The following SAMD9 variants were observed in gnomAD, a reference collection of about 807,000 sequenced individuals.
The protein encoded by SAMD9 is sterile alpha motif domain-containing protein 9.
Under a neutral mutation model 1.5 loss-of-function variants are expected in SAMD9, and 3 were observed. That is an observed-to-expected ratio of 2.05 (90% CI 0.93 to 5.29). SAMD9 has a LOEUF of 5.29. SAMD9 is among the 30% of genes most tolerant of loss of function. SAMD9 has a pLI of 0.02. For missense variants in SAMD9, 1,597 were observed against 1,820.8 expected (o/e 0.88, Z 2.24); for synonymous variants, 635 against 631.9 (o/e 1.00, Z -0.07).
At position 93,104,992 on chromosome 7, in the gene SAMD9, A is replaced by G. The variant is rs1290890913; in HGVS notation, c.1106T>C (p.Leu369Pro). Residue 369 changes from leucine (L) to proline (P), a missense_variant, in exon 3 of 3, where the codon CTG becomes CCG. Around this residue, in one of 6 missense-constraint regions of SAMD9, gnomAD observed 498 missense variants for 457.4 expected, o/e 1.09. Transcript: ENST00000379958. ...FRAFKADFKT[L>P]AESRKAAEEK... ...TTCTGCTGCTTTTCTGGACTCTGCC[A>G]GTGTTTTAAAATCTGCTTTAAATGC... 1 of 1,613,442 alleles carries G rather than the reference A, an allele frequency of 6.2e-7. No homozygotes were observed.
At position 93,106,028 on chromosome 7, in the gene SAMD9, C is replaced by G; in HGVS notation, c.70G>C (p.Glu24Gln). ...WTKEDVNQWL[E>Q]SHKIDQKHRE... Reference sequence around the variant, plus strand: ...TGTTTTTGGTCAATCTTATGACTTTCTAACCACTGATTTACATCCTCTTTT... The same window carrying G: ...TGTTTTTGGTCAATCTTATGACTTTGTAACCACTGATTTACATCCTCTTTT... The change falls in exon 3 of 3, where the codon GAA (glutamate) becomes CAA (glutamine). Residue 24 changes from glutamate to glutamine, a missense_variant. Transcript: ENST00000379958. The G allele has an allele frequency of 6.3e-7, 1 of 1,590,430 alleles. No individual in the cohort carries two copies. Among genetic ancestry groups the G allele is most frequent in the South Asian group, 1.2e-5 (1 of 85,872 alleles).
chr7:93,101,789 G>C lies in SAMD9; in HGVS notation c.4309C>G (p.Leu1437Val). The C allele has an allele frequency of 6.2e-7, 1 of 1,613,784 alleles. No individual in the cohort carries two copies. The highest frequency in any genetic ancestry group is 8.5e-7 in the Non-Finnish European group (1 of 1,179,744). The change falls in exon 3 of 3, where the codon CTC (leucine) becomes GTC (valine). Residue 1437 changes from leucine to valine, a missense_variant. Physicochemically the swap from Leu to Val is conservative, Grantham distance 32. Coordinates refer to ENST00000379958, the MANE Select transcript of SAMD9 (RefSeq NM_017654.4). ...QFSEPYFLAS[L>V]LFWPENQQLD... is the part of the protein sequence containing the mutation. Reference sequence around the variant, plus strand: ...TGTTGATTTTCTGGCCAGAATAAGAGGGAAGCTAGAAAATACGGTTCTGAA... The same window carrying C: ...TGTTGATTTTCTGGCCAGAATAAGACGGAAGCTAGAAAATACGGTTCTGAA...
In SAMD9 at chr7:93,103,343, A is replaced by G; in HGVS notation, c.2755T>C (p.Ser919Pro). ...NIFTKEAKLF[S>P]FLALLNSYVP... ...TATGAATTAAGAAGAGCCAGAAAAG[A>G]AAAGAGCTTTGCTTCCTTGGTGAAA... Residue 919 changes from serine to proline, a missense_variant, in exon 3 of 3, where the codon TCT becomes CCT. Physicochemically the swap from Ser to Pro is moderately conservative, Grantham distance 74 (BLOSUM62 -1). Coordinates refer to ENST00000379958, the MANE Select transcript of SAMD9 (RefSeq NM_017654.4). 2 of 1,613,632 alleles carry G rather than the reference A, an allele frequency of 1.2e-6. No homozygotes were observed. The highest frequency in any genetic ancestry group is 1.7e-6 in the Non-Finnish European group (2 of 1,179,652).
Position 93,101,329 on chromosome 7 carries a change from T to C in SAMD9, c.4769A>G (p.Ter1590=). Residue 1590 remains the stop codon, a stop_retained_variant, in exon 3 of 3, where the codon TAA becomes TGA. Transcript: ENST00000379958. The stretch of plus-strand genomic sequence containing the variant: ...TCTTGGAGGAAGAATATCAGGCTCT[T>C]AAACAATTTCAATGTCATAAGCAAG... ...GPLAYDIEIV[*] is the part of the protein sequence containing the mutation. The C allele has an allele frequency of 6.2e-7, 1 of 1,610,090 alleles. No homozygotes were observed. The highest frequency in any genetic ancestry group is 8.5e-7 in the Non-Finnish European group (1 of 1,178,814).
intron 1 of SAMD9, among the ~76,000 whole-genome samples, chr7:93,116,291 T>C (rs979512931): frequency 1.3e-5 from 2 of 152,214 alleles, no homozygotes; most frequent in Admixed American, 6.5e-5. Flanking sequence ...CATACCATTA[T>C]ATGTGAAAAC....
At chr7:93,113,114 C>T (rs1254647422) in intron 2 of SAMD9, among the ~76,000 whole-genome samples, 1 of 152,102 alleles carries the variant, frequency 6.6e-6, no homozygotes, top group Non-Finnish European at 1.5e-5. Flanking sequence ...AGATATAGAC[C>T]AATGGAACAG....
At chr7:93,108,157 G>A (rs950171855) in intron 2 of SAMD9, among the ~76,000 whole-genome samples, 9 of 152,256 alleles carry the variant, frequency 5.9e-5, no homozygotes, top group South Asian at 4.2e-4. Flanking sequence ...GCCGTGCCTC[G>A]CCATGCGCCT....
At chr7:93,107,099 G>C (rs1791659261) in intron 2 of SAMD9, among the ~76,000 whole-genome samples, 1 of 151,406 alleles carries the variant, frequency 6.6e-6, no homozygotes, top group African/African-American at 2.4e-5. Flanking sequence ...GGAGTGCAAT[G>C]GCGCGATCTC....
chr7:93,115,429 G>A (rs1160363794), intron 1 of SAMD9, among the ~76,000 whole-genome samples: 1 of 152,190 alleles, frequency 6.6e-6, no homozygotes, highest in African/African-American at 2.4e-5. Context: ...CATACTGTGT[G>A]AAAGAAGCCA....
rs79244266 is a variant in SAMD9 at position 93,117,456 on chromosome 7, G to A, written c.-110+407C>T. On this transcript the variant is annotated intron_variant, in intron 1 of 2. Coordinates refer to ENST00000379958, the MANE Select transcript of SAMD9 (RefSeq NM_017654.4). ...CCACATCCAGCTATTTTTTTTTTTGGTAGGAATCTTGCTAGGTAGGGTCTT... is the reference window on the plus strand; with the variant it reads ...CCACATCCAGCTATTTTTTTTTTTGATAGGAATCTTGCTAGGTAGGGTCTT... 3.9e-3 allele frequency among the ~76,000 whole-genome samples: 584 copies of A among 151,194 alleles called. 2 individuals are homozygous for A. Among genetic ancestry groups the A allele is most frequent in the African/African-American group, 0.014 (558 of 41,210 alleles).
At chr7:93,110,350 A>G (rs555288474) in intron 2 of SAMD9, among the ~76,000 whole-genome samples, 117 of 152,366 alleles carry the variant, frequency 7.7e-4, no homozygotes, top group African/African-American at 2.8e-3. Context: ...CCACTGCAAA[A>G]ACATGCCAAA....
At chr7:93,109,487 G>A (rs1791702722) in intron 2 of SAMD9, among the ~76,000 whole-genome samples, 1 of 152,172 alleles carries the variant, frequency 6.6e-6, no homozygotes, top group South Asian at 2.1e-4. Flanking sequence ...GTCTTCAAAC[G>A]ACTGGTAATA....
In SAMD9 at chr7:93,103,176, T is replaced by C. The variant is rs1182802055; in HGVS notation, c.2922A>G (p.Glu974=). The C allele has an allele frequency of 2.5e-6, 4 of 1,613,756 alleles. No individual in the cohort carries two copies. The highest frequency in any genetic ancestry group is 3.3e-5 in the Admixed American group (2 of 59,986). Residue 974 remains glutamate (E), a synonymous_variant, in exon 3 of 3, where the codon GAA becomes GAG. Coordinates refer to ENST00000379958, the MANE Select transcript of SAMD9 (RefSeq NM_017654.4). ...STILIKTEVI[E]CGNYCGVRII... is the part of the protein sequence containing the mutation. ...TGCGTACTCCACAGTAGTTCCCACA[T>C]TCGATGACCTCTGTTTTTATCAGAA... is the stretch of plus-strand genomic sequence containing the variant.
chr7:93,101,387 A>G lies in SAMD9; in HGVS notation c.4711T>C (p.Ser1571Pro). 1 of 1,613,716 alleles carries G rather than the reference A, an allele frequency of 6.2e-7. No individual in the cohort carries two copies. Among genetic ancestry groups the G allele is most frequent in the Non-Finnish European group, 8.5e-7 (1 of 1,179,730 alleles). Residue 1571 changes from serine to proline, a missense_variant, in exon 3 of 3, where the codon TCT becomes CCT. Transcript: ENST00000379958. ...CCAATGGAAAATCCCAGGTAAAAAG[A>G]CACCTTCTCTATGCTTCTGCCACTT... ...LRSGRSIEKVSFYLGFSIGGP... is the reference protein window; with the variant it reads ...LRSGRSIEKVPFYLGFSIGGP...
Position 93,104,429 on chromosome 7 carries a change from T to G in SAMD9, c.1669A>C (p.Ile557Leu). The change falls in exon 3 of 3, where the codon ATT becomes CTT. Residue 557 changes from isoleucine (I) to leucine (L), a missense_variant. By Grantham distance (5) the Ile-to-Leu change is conservative. Around this residue, in one of 6 missense-constraint regions of SAMD9, gnomAD observed 358 missense variants for 460.4 expected, o/e 0.78. Coordinates refer to ENST00000379958, the MANE Select transcript of SAMD9 (RefSeq NM_017654.4). ...SSVDDPRDPL[I>L]ETFCAFYQDL... is the part of the protein sequence containing the mutation. The stretch of plus-strand genomic sequence containing the variant: ...TGGTAGAAAGCACAGAAAGTCTCAA[T>G]GAGGGGATCTCTTGGGTCATCCACA... 6.2e-7 allele frequency: 1 copy of G among 1,613,976 alleles called. No homozygotes were observed. The highest frequency in any genetic ancestry group is 8.5e-7 in the Non-Finnish European group (1 of 1,179,874).
chr7:93,102,922 T>A lies in SAMD9; in HGVS notation c.3176A>T (p.His1059Leu), dbSNP rs377438913. The A allele has an allele frequency of 1.2e-6, 2 of 1,613,934 alleles. No individual in the cohort carries two copies. Among genetic ancestry groups the A allele is most frequent in the African/African-American group, 1.3e-5 (1 of 75,042 alleles). Residue 1059 changes from histidine (H) to leucine (L), a missense_variant, in exon 3 of 3, where the codon CAT (histidine) becomes CTT (leucine). His to Leu is a moderately conservative substitution (Grantham distance 99). Around this residue, in one of 6 missense-constraint regions of SAMD9, gnomAD observed 682 missense variants for 810.0 expected, o/e 0.84. Coordinates refer to ENST00000379958, the MANE Select transcript of SAMD9 (RefSeq NM_017654.4). The part of the protein sequence containing the change: ...NWFSPFIEAL[H>L]KDEGNEAVEA... ...AACTGCTTCATTTCCTTCATCTTTA[T>A]GTAATGCTTCAATAAATGGGGAAAA...
Position 93,103,155 on chromosome 7 carries a change from T to A in SAMD9, c.2943A>T (p.Val981=), listed in dbSNP as rs1791566711. ...CTGCAATCAAAGAGTGAATGATGCG[T>A]ACTCCACAGTAGTTCCCACATTCGA... ...EVIECGNYCG[V]RIIHSLIAEF... is the part of the protein sequence containing the mutation. The change falls in exon 3 of 3, where the codon GTA becomes GTT. Residue 981 remains valine, a synonymous_variant. Coordinates refer to ENST00000379958, the MANE Select transcript of SAMD9 (RefSeq NM_017654.4). 1.2e-6 allele frequency: 2 copies of A among 1,613,750 alleles called. No individual in the cohort carries two copies. Among genetic ancestry groups the A allele is most frequent in the African/African-American group, 2.7e-5 (2 of 74,930 alleles).
At chr7:93,109,656 G>C (rs184217252) in intron 2 of SAMD9, among the ~76,000 whole-genome samples, 1 of 152,154 alleles carries the variant, frequency 6.6e-6, no homozygotes, top group Non-Finnish European at 1.5e-5. Flanking sequence ...ACTACGTGAC[G>C]CATGCACAAG....
At position 93,102,964 on chromosome 7, in the gene SAMD9, C is replaced by A. The variant is rs576422045; in HGVS notation, c.3134G>T (p.Gly1045Val). ...LLTRHRDEHE[G>V]ETGNWFSPFI... Reference sequence around the variant, plus strand: ...TGGGGAAAACCAATTTCCTGTTTCACCTTCATGTTCATCGCGGTGTCTTGT... The same window carrying A: ...TGGGGAAAACCAATTTCCTGTTTCAACTTCATGTTCATCGCGGTGTCTTGT... Residue 1045 changes from glycine (G) to valine (V), a missense_variant, in exon 3 of 3, where the codon GGT becomes GTT. Gly to Val is a moderately radical substitution (Grantham distance 109). This residue lies in a region of SAMD9 where 682 missense variants were observed against 810.0 expected (regional missense o/e 0.84). Coordinates refer to ENST00000379958, the MANE Select transcript of SAMD9 (RefSeq NM_017654.4). The A allele has an allele frequency of 2.5e-6, 4 of 1,612,458 alleles. No homozygotes were observed. Among genetic ancestry groups the A allele is most frequent in the East Asian group, 2.2e-5 (1 of 44,864 alleles).
Sources: gnomAD v4.1 joint callset for allele counts (sites outside exome capture counted in the v4.1 genomes callset) on GRCh38, gnomAD v4.1.1 for gene constraint, gnomAD v4.1.1 regional missense constraint, MANE v1.5 for transcripts, NCBI Gene and HGNC (gene_info 2026-07-23, HGNC 2026-07-21) for gene names.